Variants in TMEM178B observed in about 807,000 individuals in gnomAD.
The protein encoded by TMEM178B is transmembrane protein 178B.
Under a neutral mutation model 31.0 loss-of-function variants are expected in TMEM178B, and 5 were observed. The ratio of observed to expected loss-of-function variants is 0.16; its 90% confidence interval spans 0.08 to 0.34. The LOEUF is 0.34. TMEM178B is among the 10% of genes least tolerant of loss of function. The pLI is 1.00. For synonymous variants in TMEM178B, 164 were observed against 164.0 expected, an observed-to-expected ratio of 1.00 and a Z score of 0.00; for missense variants, 275 against 400.3, an observed-to-expected ratio of 0.69 and a Z score of 2.67.
chr7:141,464,124 G>A (rs1802109084), intron 3 of TMEM178B, among the ~76,000 whole-genome samples: 1 of 152,098 alleles, frequency 6.6e-6, no homozygotes, highest in Non-Finnish European at 1.5e-5. Flanking sequence ...CTGCGAGCAT[G>A]CCGTCTTACC....
At chr7:141,169,197 C>T (rs1190739117) in intron 1 of TMEM178B, among the ~76,000 whole-genome samples, 1 of 152,222 alleles carries the variant, frequency 6.6e-6, no homozygotes, top group Admixed American at 6.5e-5. Flanking sequence ...TCCCTCCTTT[C>T]ACCCTCCACC....
At chr7:141,342,624 A>G (rs1799534375) in intron 2 of TMEM178B, among the ~76,000 whole-genome samples, 1 of 152,230 alleles carries the variant, frequency 6.6e-6, no homozygotes. Flanking sequence ...GAATTTCTTT[A>G]AGGTAAATTT....
chr7:141,301,374 A>G (rs1420141577), intron 2 of TMEM178B, among the ~76,000 whole-genome samples: 1 of 152,140 alleles, frequency 6.6e-6, no homozygotes, highest in African/African-American at 2.4e-5. Flanking sequence ...TGAGATTCTT[A>G]ATTTGAATAG....
At chr7:141,190,340 G>T (rs555159820) in intron 1 of TMEM178B, among the ~76,000 whole-genome samples, 2 of 152,154 alleles carry the variant, frequency 1.3e-5, no homozygotes, top group Admixed American at 6.5e-5. Context: ...TTTAGACAGG[G>T]TCTTGTTCTG....
chr7:141,447,609 T>G (rs1801784221), intron 3 of TMEM178B, among the ~76,000 whole-genome samples: 1 of 152,130 alleles, frequency 6.6e-6, no homozygotes, highest in Admixed American at 6.5e-5. Flanking sequence ...TGGGCAATCA[T>G]TTGATACCGT....
downstream of TMEM178B, among the ~76,000 whole-genome samples, chr7:141,483,737 TTC>T (rs1418777830): frequency 4.1e-5 from 5 of 122,042 alleles, no homozygotes; most frequent in African/African-American, 1.3e-4. Context: ...CTTGCCCTTC[TTC>T]TTTTTTTTTT....
chr7:141,102,421 G>A (rs1795073537), intron 1 of TMEM178B, among the ~76,000 whole-genome samples: 4 of 152,066 alleles, frequency 2.6e-5, no homozygotes, highest in Admixed American at 2.6e-4. Context: ...GGGTTCCCTG[G>A]TCTAATTGCA....
intron 2 of TMEM178B, among the ~76,000 whole-genome samples, chr7:141,362,514 T>A (rs58932490): frequency 0.015 from 2,315 of 150,382 alleles, 22 homozygotes; most frequent in African/African-American, 0.018. Flanking sequence ...CTTTTTTTTT[T>A]AAAAAAAAGA....
intron 2 of TMEM178B, among the ~76,000 whole-genome samples, chr7:141,310,845 C>T (rs951009072): frequency 6.6e-6 from 1 of 152,138 alleles, no homozygotes; most frequent in Non-Finnish European, 1.5e-5. Context: ...AAGATACATG[C>T]ACGCGTATGT....
At chr7:141,085,898 G>C (rs1290548591) in intron 1 of TMEM178B, among the ~76,000 whole-genome samples, 2 of 151,982 alleles carry the variant, frequency 1.3e-5, no homozygotes, top group Admixed American at 6.6e-5. Context: ...GCCCATCCAA[G>C]AATGTCCATG....
intron 3 of TMEM178B, among the ~76,000 whole-genome samples, chr7:141,469,557 T>C (rs944145833): frequency 1.5e-4 from 23 of 152,218 alleles, no homozygotes; most frequent in African/African-American, 5.5e-4. Context: ...TTTTCCTTTT[T>C]CTTCCTTCCA....
In TMEM178B at chr7:141,074,780, G is replaced by GCTAT; in HGVS notation, c.382+90_382+93dup. The GCTAT allele has an allele frequency of 7.0e-7, 1 of 1,426,494 alleles. No individual in the cohort carries two copies. Among genetic ancestry groups the GCTAT allele is most frequent in the South Asian group, 1.5e-5 (1 of 67,018 alleles). The allele number at this position is 1,426,494 out of a possible 1,614,324, so 88.4% of individuals were successfully genotyped here. Reference sequence around the variant, plus strand: ...CTCGCGTCTCCTTCCCAGGCCACAGGCTATCAGGTCTCTGGGTTCCAGGCG... The same window carrying GCTAT: ...CTCGCGTCTCCTTCCCAGGCCACAGGCTATCTATCAGGTCTCTGGGTTCCAGGCG... On this transcript the variant is annotated intron_variant, in intron 1 of 3. Coordinates refer to ENST00000565468, the MANE Select transcript of TMEM178B (RefSeq NM_001195278.2). The surrounding 1 kb of genome is among the most constrained non-coding windows in gnomAD (Gnocchi z 5.1).
At chr7:141,177,895 A>G (rs1796460012) in intron 1 of TMEM178B, among the ~76,000 whole-genome samples, 1 of 152,104 alleles carries the variant, frequency 6.6e-6, no homozygotes. Flanking sequence ...CTCTTTATCC[A>G]ATTTGCCAGT....
At chr7:141,102,562 G>T (rs192117759) in intron 1 of TMEM178B, among the ~76,000 whole-genome samples, 1 of 152,310 alleles carries the variant, frequency 6.6e-6, no homozygotes, top group Admixed American at 6.5e-5. Flanking sequence ...GCTGCTATAA[G>T]GCCAACAGAA....
the TMEM178B span, among the ~76,000 whole-genome samples, chr7:141,491,935 T>A: frequency 6.6e-6 from 1 of 152,114 alleles, no homozygotes; most frequent in Non-Finnish European, 1.5e-5. Flanking sequence ...CACCCTCCCA[T>A]TCAGTCTGTG....
chr7:141,244,529 C>T (rs980396759), intron 2 of TMEM178B, among the ~76,000 whole-genome samples: 4 of 152,168 alleles, frequency 2.6e-5, no homozygotes, highest in East Asian at 1.9e-4. Flanking sequence ...AATGAACAAA[C>T]GGATGGCTCC....
chr7:141,390,760 T>A (rs752450821), intron 2 of TMEM178B, among the ~76,000 whole-genome samples: 8 of 152,254 alleles, frequency 5.3e-5, no homozygotes, highest in Non-Finnish European at 1.2e-4. Context: ...ACCTTTCTAA[T>A]GTGCATATTT....
At chr7:141,363,906 A>AAATT (rs1799958929) in intron 2 of TMEM178B, among the ~76,000 whole-genome samples, 1 of 151,668 alleles carries the variant, frequency 6.6e-6, no homozygotes, top group Non-Finnish European at 1.5e-5. Context: ...ATAAATAAAT[A>AAATT]AAATAATAAA....
At chr7:141,407,454 G>A (rs1400289570) in intron 2 of TMEM178B, among the ~76,000 whole-genome samples, 1 of 152,196 alleles carries the variant, frequency 6.6e-6, no homozygotes, top group South Asian at 2.1e-4. Context: ...AATGAAAATA[G>A]CACCATGAAT....
Sources: gnomAD v4.1 joint callset for allele counts (sites outside exome capture counted in the v4.1 genomes callset) on GRCh38, gnomAD v4.1.1 for gene constraint, Gnocchi (gnomAD v3.1) non-coding constraint, MANE v1.5 for transcripts, NCBI Gene and HGNC (gene_info 2026-07-23, HGNC 2026-07-21) for gene names.